The following ARSJ variants were observed in gnomAD, a reference collection of about 807,000 sequenced individuals.
ARSJ encodes the protein arylsulfatase J.
A neutral mutation model predicts 35.9 loss-of-function variants in ARSJ; 26 were observed. That is an observed-to-expected ratio of 0.72 (90% CI 0.53 to 1.00). The LOEUF (loss-of-function observed/expected upper bound fraction) is 1.00, where lower values mean the gene tolerates loss of function less well. Among genes scored for constraint, ARSJ ranks in the 50% least tolerant of loss-of-function variants. The pLI, the probability that ARSJ is intolerant of heterozygous loss-of-function variation, is 0.00. For synonymous variants in ARSJ, 294 were observed against 267.6 expected (o/e 1.10, Z -0.96); for missense variants, 667 against 723.6 (o/e 0.92, Z 0.90).
chr4:113,972,316 A>C (rs1318210916), intron 1 of ARSJ, among the ~76,000 whole-genome samples: 1 of 149,376 alleles, frequency 6.7e-6, no homozygotes, highest in Non-Finnish European at 1.5e-5. Flanking sequence ...ACAAAAAAAA[A>C]AACCCCACCA....
At position 113,926,722 on chromosome 4, in the gene ARSJ, G is replaced by A. The variant is rs1439601198; in HGVS notation, c.399-23047C>T. ...GCACAACCCACTTTATGGGTAGATGGGTCAGAAAGCATCCAGTTCATGATA... is the reference window on the plus strand; with the variant it reads ...GCACAACCCACTTTATGGGTAGATGAGTCAGAAAGCATCCAGTTCATGATA... On this transcript the variant is annotated intron_variant, in intron 1 of 1. Transcript: ENST00000315366. 2.6e-5 allele frequency among the ~76,000 whole-genome samples: 4 copies of A among 152,130 alleles called. No individual in the cohort carries two copies. In the East Asian group the frequency reaches 7.7e-4, roughly 29 times the overall value.
intron 1 of ARSJ, among the ~76,000 whole-genome samples, chr4:113,964,772 T>C (rs1262476934): frequency 6.6e-6 from 1 of 152,062 alleles, no homozygotes; most frequent in South Asian, 2.1e-4. Flanking sequence ...ACCAGAGAGC[T>C]TATTGGAAAC....
chr4:113,951,924 G>A (rs905110572), intron 1 of ARSJ, among the ~76,000 whole-genome samples: 7 of 151,852 alleles, frequency 4.6e-5, no homozygotes, highest in Admixed American at 1.3e-4. Flanking sequence ...TTAATGTCAC[G>A]TTCAACTTTT....
intron 1 of ARSJ, among the ~76,000 whole-genome samples, chr4:113,958,005 C>A (rs1437607876): frequency 1.3e-5 from 2 of 152,058 alleles, no homozygotes; most frequent in Non-Finnish European, 2.9e-5. Context: ...ACAAGTGCAG[C>A]AAATCTTTTT....
intron 1 of ARSJ, among the ~76,000 whole-genome samples, chr4:113,910,330 GT>G (rs1225885914): frequency 6.6e-6 from 1 of 152,122 alleles, no homozygotes; most frequent in Non-Finnish European, 1.5e-5. Context: ...AGATGTTATT[GT>G]TTTAACCTAA....
chr4:113,937,287 C>G (rs1033533342), intron 1 of ARSJ, among the ~76,000 whole-genome samples: 3 of 151,872 alleles, frequency 2.0e-5, no homozygotes, highest in South Asian at 2.1e-4. Flanking sequence ...CGTAAGAACA[C>G]GAACCCTTAG....
At chr4:113,930,153 G>A (rs534257904) in intron 1 of ARSJ, among the ~76,000 whole-genome samples, 1 of 151,976 alleles carries the variant, frequency 6.6e-6, no homozygotes. Flanking sequence ...TCTCTAGAGG[G>A]ACAGAACTAA....
chr4:113,934,898 T>C (rs1413891212), intron 1 of ARSJ, among the ~76,000 whole-genome samples: 5 of 151,964 alleles, frequency 3.3e-5, no homozygotes, highest in African/African-American at 9.6e-5. Context: ...CACTGGAATA[T>C]GAATTGACCC....
intron 1 of ARSJ, among the ~76,000 whole-genome samples, chr4:113,955,038 G>A (rs1305444915): frequency 6.8e-5 from 10 of 147,614 alleles, no homozygotes; most frequent in African/African-American, 2.3e-4. Flanking sequence ...TGAGCATACA[G>A]CATCTGTTTC....
intron 1 of ARSJ, among the ~76,000 whole-genome samples, chr4:113,948,985 C>A (rs374735092): frequency 6.6e-6 from 1 of 152,024 alleles, no homozygotes; most frequent in African/African-American, 2.4e-5. Flanking sequence ...GTGGCACATA[C>A]GCACCATGGA....
At chr4:113,915,685 C>T (rs1369574200) in intron 1 of ARSJ, among the ~76,000 whole-genome samples, 1 of 152,010 alleles carries the variant, frequency 6.6e-6, no homozygotes, top group African/African-American at 2.4e-5. Flanking sequence ...AATGTGTTGC[C>T]TTGAAATACC....
At position 113,934,121 on chromosome 4, in the gene ARSJ, A is replaced by T. The variant is rs376977611; in HGVS notation, c.399-30446T>A. Reference sequence around the variant, plus strand: ...CAGTAAATAACGGATGCTGGCAAGGATGTGGAGAAAGGGAACCTCATACAC... The same window carrying T: ...CAGTAAATAACGGATGCTGGCAAGGTTGTGGAGAAAGGGAACCTCATACAC... On this transcript the variant is annotated intron_variant, in intron 1 of 1. Coordinates refer to ENST00000315366, the MANE Select transcript of ARSJ (RefSeq NM_024590.4). 1.3e-4 allele frequency among the ~76,000 whole-genome samples: 20 copies of T among 151,952 alleles called. No individual in the cohort carries two copies. The East Asian group carries it at 3.7e-3, about 28-fold the overall frequency.
intron 1 of ARSJ, among the ~76,000 whole-genome samples, chr4:113,977,932 G>A (rs1727689124): frequency 1.3e-5 from 2 of 152,158 alleles, no homozygotes; most frequent in South Asian, 2.1e-4. Context: ...ATCAAAGACC[G>A]AAGCAGAGTC....
intron 1 of ARSJ, among the ~76,000 whole-genome samples, chr4:113,906,039 C>G (rs1244858741): frequency 1.3e-5 from 2 of 151,880 alleles, no homozygotes; most frequent in Non-Finnish European, 2.9e-5. Flanking sequence ...GTTTTAGACA[C>G]AAGTGAATGT....
In ARSJ at chr4:113,975,472, AT is replaced by A. The variant is rs1171069901; in HGVS notation, c.398+2964del. Among the ~76,000 whole-genome samples, 4 of 152,118 alleles carry A rather than the reference AT, an allele frequency of 2.6e-5. No individual in the cohort carries two copies. The East Asian group carries it at 7.7e-4, about 29-fold the overall frequency. On this transcript the variant is annotated intron_variant, in intron 1 of 1. Transcript: ENST00000315366. ...AATGATATTTTTAATCCATATCTTTATTTGCAAAACTGTAAAAAAAGAAGTG... is the reference window on the plus strand; with the variant it reads ...AATGATATTTTTAATCCATATCTTTATTGCAAAACTGTAAAAAAAGAAGTG...
At chr4:113,965,593 T>C (rs191505370) in intron 1 of ARSJ, among the ~76,000 whole-genome samples, 8 of 152,142 alleles carry the variant, frequency 5.3e-5, no homozygotes, top group African/African-American at 1.7e-4. Context: ...TATAGAGAGA[T>C]TAATATAATT....
At position 113,917,758 on chromosome 4, in the gene ARSJ, T is replaced by C. The variant is rs957684688; in HGVS notation, c.399-14083A>G. Among the ~76,000 whole-genome samples the C allele has an allele frequency of 4.6e-5, 7 of 152,168 alleles. 2 individuals are homozygous for C. In the South Asian group the frequency reaches 1.4e-3, roughly 32 times the overall value. Reference sequence around the variant, plus strand: ...AATTCTGAAGTTCTATTATGCATCCTTTATATTAGGTTTATTTTACTTTGA... The same window carrying C: ...AATTCTGAAGTTCTATTATGCATCCCTTATATTAGGTTTATTTTACTTTGA... On this transcript the variant is annotated intron_variant, in intron 1 of 1. Coordinates refer to ENST00000315366, the MANE Select transcript of ARSJ (RefSeq NM_024590.4).
chr4:113,920,741 C>T (rs1723619319), intron 1 of ARSJ, among the ~76,000 whole-genome samples: 1 of 152,086 alleles, frequency 6.6e-6, no homozygotes, highest in East Asian at 1.9e-4. Context: ...TGAGCATTGT[C>T]TACTTTGAGT....
Position 113,903,542 on chromosome 4 carries a change from G to T in ARSJ, c.532C>A (p.His178Asn). The T allele has an allele frequency of 1.1e-5, 17 of 1,614,130 alleles. No homozygotes were observed. The highest frequency in any genetic ancestry group is 1.4e-5 in the Non-Finnish European group (17 of 1,180,018). Residue 178 changes from histidine (H) to asparagine (N), a missense_variant, in exon 2 of 2, where the codon CAC becomes AAC. By Grantham distance (68) the His-to-Asn change is moderately conservative. Transcript: ENST00000315366. Reference sequence around the variant, plus strand: ...CATTCTTTTCTGTAAAAACCCAAGTGCCATTTTCCGACCATATGCGTTGAA... The same window carrying T: ...CATTCTTTTCTGTAAAAACCCAAGTTCCATTTTCCGACCATATGCGTTGAA... Reference protein sequence around the residue: ...GYSTHMVGKWHLGFYRKECMP... With the variant: ...GYSTHMVGKWNLGFYRKECMP...
Sources: allele counts gnomAD v4.1 joint callset (sites outside exome capture counted in the v4.1 genomes callset), GRCh38; gene constraint gnomAD v4.1.1; transcripts MANE v1.5; gene names NCBI Gene and HGNC (gene_info 2026-07-23, HGNC 2026-07-21).